CPNE4: variants seen among roughly 807,000 people sequenced by gnomAD.
CPNE4 encodes copine 4, also known as copine-4.
A neutral mutation model predicts 67.9 loss-of-function variants in CPNE4; 25 were observed. The observed-to-expected ratio is 0.37, with a 90% CI of 0.27 to 0.51. The LOEUF is 0.51. Ranked by LOEUF, CPNE4 falls within the 20% of genes least tolerant of loss-of-function variation. CPNE4 has a pLI of 0.93. For synonymous variants in CPNE4, 242 were observed against 244.9 expected, an observed-to-expected ratio of 0.99 and a Z score of 0.11; for missense variants, 464 against 690.8, an observed-to-expected ratio of 0.67 and a Z score of 3.68.
At chr3:131,810,177 A>G (rs562111762) in intron 2 of CPNE4, among the ~76,000 whole-genome samples, 1 of 152,248 alleles carries the variant, frequency 6.6e-6, no homozygotes, top group South Asian at 2.1e-4. Flanking sequence ...CACTAAAAGC[A>G]CAGGCAATAA....
At chr3:131,905,232 A>G (rs2088697850) in intron 2 of CPNE4, 32 bp downstream of exon 2, 2 of 1,560,084 alleles carry the variant, frequency 1.3e-6, no homozygotes, top group Non-Finnish European at 1.7e-6. Context: ...TCATCCAGCC[A>G]TGGTTCTGTC....
At chr3:131,914,287 A>G (rs529476613) in intron 1 of CPNE4, among the ~76,000 whole-genome samples, 5 of 152,276 alleles carry the variant, frequency 3.3e-5, no homozygotes, top group Non-Finnish European at 5.9e-5. Flanking sequence ...CTTATAGGTT[A>G]GCTGCTTAAC....
chr3:131,745,282 T>C (rs1189852148), intron 2 of CPNE4, among the ~76,000 whole-genome samples: 2 of 152,172 alleles, frequency 1.3e-5, no homozygotes, highest in African/African-American at 4.8e-5. Context: ...GCTTGTTTAT[T>C]GTTGAGTTTT....
intron 2 of CPNE4, among the ~76,000 whole-genome samples, chr3:131,848,956 C>CAAAAAAAAAAAAAATAAA (rs2086116189): frequency 1.3e-5 from 1 of 79,636 alleles, no homozygotes; most frequent in African/African-American, 6.9e-5. Flanking sequence ...GTAGTGATTA[C>CAAAAAAAAAAAAAATAAA]AAAAAAAAAA....
At chr3:131,636,119 T>C (rs1476229637) in intron 7 of CPNE4, among the ~76,000 whole-genome samples, 1 of 150,428 alleles carries the variant, frequency 6.6e-6, no homozygotes, top group Non-Finnish European at 1.5e-5. Flanking sequence ...AACATACCAG[T>C]AAAGCCAAGA....
chr3:131,926,355 G>T (rs2070895019), intron 1 of CPNE4, among the ~76,000 whole-genome samples: 1 of 152,014 alleles, frequency 6.6e-6, no homozygotes, highest in East Asian at 1.9e-4. Flanking sequence ...GATCGAAGCG[G>T]AATTACTAGA....
At chr3:131,821,701 G>A (rs1010891299) in intron 2 of CPNE4, among the ~76,000 whole-genome samples, 3 of 152,134 alleles carry the variant, frequency 2.0e-5, no homozygotes, top group African/African-American at 7.2e-5. Context: ...GAGGAACATA[G>A]CTGTGCACGA....
At chr3:131,594,278 T>A (rs1938713350) in intron 7 of CPNE4, among the ~76,000 whole-genome samples, 1 of 152,210 alleles carries the variant, frequency 6.6e-6, no homozygotes, top group Admixed American at 6.5e-5. Flanking sequence ...TCTGGTGGCA[T>A]CACATTTCCT....
intron 3 of CPNE4, among the ~76,000 whole-genome samples, chr3:131,713,621 A>G (rs908689511): frequency 6.6e-6 from 1 of 152,194 alleles, no homozygotes; most frequent in Admixed American, 6.5e-5. Context: ...GAGGTTAAGC[A>G]AACTGCCCAA....
chr3:131,785,250 C>T (rs2083526952), intron 2 of CPNE4, among the ~76,000 whole-genome samples: 1 of 152,092 alleles, frequency 6.6e-6, no homozygotes, highest in Non-Finnish European at 1.5e-5. Flanking sequence ...AACTCTTCTC[C>T]TTGGTCACAC....
intron 1 of CPNE4, among the ~76,000 whole-genome samples, chr3:132,028,392 T>C (rs2074161562): frequency 2.0e-5 from 3 of 152,246 alleles, no homozygotes; most frequent in Non-Finnish European, 4.4e-5. Context: ...TTTTCACCAG[T>C]CTGCCTGTGC....
chr3:131,644,296 C>A (rs150022490), intron 7 of CPNE4, among the ~76,000 whole-genome samples: 1 of 152,046 alleles, frequency 6.6e-6, no homozygotes, highest in East Asian at 1.9e-4. Context: ...TACAGGTGCC[C>A]GCCACCATGC....
At chr3:131,652,528 A>G (rs1352517934) in intron 7 of CPNE4, among the ~76,000 whole-genome samples, 1 of 152,236 alleles carries the variant, frequency 6.6e-6, no homozygotes, top group Non-Finnish European at 1.5e-5. Flanking sequence ...ACAAATTGGC[A>G]TGCTTATTAA....
At chr3:131,890,414 CATT>C (rs1180161422) in intron 2 of CPNE4, among the ~76,000 whole-genome samples, 7 of 149,804 alleles carry the variant, frequency 4.7e-5, no homozygotes, top group Non-Finnish European at 1.0e-4. Context: ...TAAGCATAGG[CATT>C]ATTATTTTTT....
upstream of CPNE4, chr3:132,037,777 A>G (rs1055179735): frequency 1.9e-5 from 11 of 578,276 alleles, no homozygotes; most frequent in Non-Finnish European, 3.1e-5. Context: ...CATCTCACCC[A>G]TCAGTGTGAC....
intron 1 of CPNE4, among the ~76,000 whole-genome samples, chr3:131,922,518 C>T (rs886758935): frequency 2.0e-5 from 3 of 152,114 alleles, no homozygotes; most frequent in Admixed American, 6.6e-5. Flanking sequence ...ACAGGAAATG[C>T]CCATCTGTAT....
chr3:131,733,301 C>G (rs1293021645), intron 2 of CPNE4, among the ~76,000 whole-genome samples: 7 of 152,204 alleles, frequency 4.6e-5, no homozygotes, highest in African/African-American at 1.7e-4. Context: ...GCAACAAACC[C>G]TGAAAAGTCT....
intron 2 of CPNE4, among the ~76,000 whole-genome samples, chr3:131,870,183 G>A (rs1405308394): frequency 6.6e-6 from 1 of 152,106 alleles, no homozygotes; most frequent in Non-Finnish European, 1.5e-5. Context: ...CAATCCTAGG[G>A]CTCACATGGC....
chr3:131,886,429 A>G (rs2087897229), intron 2 of CPNE4, among the ~76,000 whole-genome samples: 1 of 152,142 alleles, frequency 6.6e-6, no homozygotes, highest in Non-Finnish European at 1.5e-5. Flanking sequence ...ATCATGGGGA[A>G]CCTTTGCTAG....
Sources: gnomAD v4.1 joint callset for allele counts (sites outside exome capture counted in the v4.1 genomes callset) on GRCh38, gnomAD v4.1.1 for gene constraint, MANE v1.5 for transcripts, NCBI Gene and HGNC (gene_info 2026-07-23, HGNC 2026-07-21) for gene names.